TNFSF10: variants seen among roughly 807,000 people sequenced by gnomAD.
TNFSF10 encodes tumor necrosis factor ligand superfamily member 10.
In TNFSF10, 13 loss-of-function variants were observed where a neutral mutation model predicts 29.5. That is an observed-to-expected ratio of 0.44 (90% CI 0.29 to 0.70). The LOEUF is 0.70. TNFSF10 is among the 30% of genes least tolerant of loss of function. The pLI is 0.13. For missense variants in TNFSF10, 345 were observed against 330.9 expected (o/e 1.04, Z -0.33); for synonymous variants, 111 against 112.8 (o/e 0.98, Z 0.10).
chr3:172,514,149 T>C (rs1376013147), intron 2 of TNFSF10, among the ~76,000 whole-genome samples: 1 of 152,190 alleles, frequency 6.6e-6, no homozygotes, highest in East Asian at 1.9e-4. Context: ...GCAAATATTA[T>C]TTAATGCCAT....
At chr3:172,511,717 G>T in intron 2 of TNFSF10, 58 bp from the exon 3 acceptor site, 11 of 1,446,478 alleles carry the variant, frequency 7.6e-6, no homozygotes, top group Non-Finnish European at 1.1e-5. Context: ...ACTGACTATA[G>T]AATGCCTATG....
At chr3:172,520,629 C>A (rs1267356889) in intron 1 of TNFSF10, among the ~76,000 whole-genome samples, 1 of 152,184 alleles carries the variant, frequency 6.6e-6, no homozygotes, top group African/African-American at 2.4e-5. Context: ...TGTTCATTCA[C>A]TCAATAAGTA....
At chr3:172,522,191 CAGAACTT>C in intron 1 of TNFSF10, 1 of 389,782 alleles carries the variant, frequency 2.6e-6, no homozygotes, top group South Asian at 2.3e-5. Flanking sequence ...ACACGTATCC[CAGAACTT>C]AAAGTAAAAT....
chr3:172,512,113 C>T (rs1713250191), intron 2 of TNFSF10, among the ~76,000 whole-genome samples: 1 of 152,140 alleles, frequency 6.6e-6, no homozygotes, highest in African/African-American at 2.4e-5. Flanking sequence ...TGGACAGACC[C>T]AAGCCTCAAG....
intron 1 of TNFSF10, chr3:172,518,141 C>A: frequency 2.8e-6 from 3 of 1,069,226 alleles, no homozygotes; most frequent in Non-Finnish European, 3.4e-6. Flanking sequence ...TAGGCTGAGG[C>A]TATATTCTCT....
chr3:172,514,749 T>G, intron 2 of TNFSF10, 112 bp downstream of exon 2: 9 of 1,408,858 alleles, frequency 6.4e-6, no homozygotes, highest in Non-Finnish European at 7.7e-6. Context: ...CTAAGTTTTC[T>G]TATTTGTAAA....
intron 2 of TNFSF10, 108 bp downstream of exon 2, chr3:172,514,753 T>C: frequency 1.3e-5 from 18 of 1,417,376 alleles, no homozygotes; most frequent in Admixed American, 2.3e-5. Flanking sequence ...GTTTTCTTAT[T>C]TGTAAAATGA....
Position 172,506,864 on chromosome 3 carries a change from C to G in TNFSF10, c.474G>C (p.Arg158Ser), listed in dbSNP as rs766823944. 1.9e-6 allele frequency: 3 copies of G among 1,614,094 alleles called. No homozygotes were observed. The South Asian group carries it at 3.3e-5, about 18-fold the overall frequency. ...AGTTGCTCAGGAATGAATGCCCACTCCTTGATGATTCCCAGGAGTTTATTT... is the reference window on the plus strand; with the variant it reads ...AGTTGCTCAGGAATGAATGCCCACTGCTTGATGATTCCCAGGAGTTTATTT... ...GRKINSWESS[R>S]SGHSFLSNLH... The change falls in exon 5 of 5, where the codon AGG (arginine) becomes AGC (serine). Residue 158 changes from arginine (R) to serine (S), a missense_variant. Transcript: ENST00000241261.
intron 3 of TNFSF10, 133 bp downstream of exon 3, chr3:172,511,484 G>T: frequency 1.5e-6 from 1 of 646,854 alleles, no homozygotes. Flanking sequence ...TCAACAAGTG[G>T]CTTGAGATAC....
At chr3:172,507,132 A>G (rs1450187329) in intron 4 of TNFSF10, among the ~76,000 whole-genome samples, 1 of 152,106 alleles carries the variant, frequency 6.6e-6, no homozygotes, top group Non-Finnish European at 1.5e-5. Flanking sequence ...GACATTGGGA[A>G]CTGTTGGGAG....
chr3:172,521,605 G>C (rs1031106630), intron 1 of TNFSF10, among the ~76,000 whole-genome samples: 2 of 152,182 alleles, frequency 1.3e-5, no homozygotes, highest in Non-Finnish European at 2.9e-5. Flanking sequence ...GTTGGTGGGA[G>C]TATAAATTAG....
In TNFSF10 at chr3:172,506,691, T is replaced by C; in HGVS notation, c.647A>G (p.Tyr216Cys). Residue 216 changes from tyrosine (Y) to cysteine (C), a missense_variant, in exon 5 of 5, where the codon TAT (tyrosine) becomes TGT (cysteine). Tyr to Cys is a radical substitution (Grantham distance 194, BLOSUM62 -2). Coordinates refer to ENST00000241261, the MANE Select transcript of TNFSF10 (RefSeq NM_003810.4). ...MVQYIYKYTS[Y>C]PDPILLMKSA... is the part of the protein sequence containing the mutation. ...TTTCATCAACAATATAGGGTCAGGA[T>C]AACTTGTGTATTTGTAAATATATTG... The C allele has an allele frequency of 6.2e-7, 1 of 1,614,236 alleles. No homozygotes were observed. The highest frequency in any genetic ancestry group is 8.5e-7 in the Non-Finnish European group (1 of 1,180,032).
In TNFSF10 at chr3:172,517,707, GT is replaced by G. The variant is rs541625330; in HGVS notation, c.133-2710del. On this transcript the variant is annotated intron_variant, in intron 1 of 4. Coordinates refer to ENST00000241261, the MANE Select transcript of TNFSF10 (RefSeq NM_003810.4). Reference sequence around the variant, plus strand: ...TCATAAGACTATATAAAAATGCTGTGTTCTTTAAATCTGTATGAAAATTATA... The same window carrying G: ...TCATAAGACTATATAAAAATGCTGTGTCTTTAAATCTGTATGAAAATTATA... 7.1e-6 allele frequency: 7 copies of G among 984,840 alleles called. No homozygotes were observed. The Admixed American group carries it at 4.3e-4, about 61-fold the overall frequency. The allele number at this position is 984,840 out of a possible 1,614,324, so 61.0% of individuals were successfully genotyped here. A position where few individuals can be genotyped will look rare whatever the true frequency, so the allele number is the denominator to read the frequency against.
chr3:172,518,018 C>G (rs1028542531), intron 1 of TNFSF10: 2 of 987,338 alleles, frequency 2.0e-6, no homozygotes, highest in African/African-American at 3.5e-5. Context: ...AGACACATGG[C>G]GGGTTGACGT....
In TNFSF10 at chr3:172,523,253, C is replaced by T. The variant is rs760251570; in HGVS notation, c.132G>A (p.Gln44=). ...TYVYFTNELK[Q]MQDKYSKSGI... ...ACTGAGTGCACTGCACTGCACTGAC[C>T]TGCTTCAGCTCGTTGGTAAAGTACA... Residue 44 remains glutamine (Q), a splice_region_variant and synonymous_variant, in exon 1 of 5, where the codon CAG becomes CAA. Coordinates refer to ENST00000241261, the MANE Select transcript of TNFSF10 (RefSeq NM_003810.4). 6.2e-7 allele frequency: 1 copy of T among 1,613,444 alleles called. No individual in the cohort carries two copies. The highest frequency in any genetic ancestry group is 8.5e-7 in the Non-Finnish European group (1 of 1,179,542).
At chr3:172,518,140 G>A in intron 1 of TNFSF10, 1 of 1,069,412 alleles carries the variant, frequency 9.4e-7, no homozygotes, top group Non-Finnish European at 1.1e-6. Flanking sequence ...ATAGGCTGAG[G>A]CTATATTCTC....
chr3:172,522,332 A>G, intron 1 of TNFSF10: 2 of 944,110 alleles, frequency 2.1e-6, no homozygotes, highest in East Asian at 2.5e-5. Flanking sequence ...TAAGAGCTAC[A>G]TTACAGATTT....
At chr3:172,523,154 A>C in intron 1 of TNFSF10, 99 bp downstream of exon 1, 1 of 1,406,168 alleles carries the variant, frequency 7.1e-7, no homozygotes. Context: ...GAAAGGAAGC[A>C]GGAAAGTCTT....
rs1304562972 is a variant in TNFSF10, at chr3:172,511,737, G to T, written c.271-78C>A. The T allele has an allele frequency of 1.6e-5, 21 of 1,274,660 alleles. No individual in the cohort carries two copies. In the Admixed American group the frequency reaches 1.9e-4, roughly 12 times the overall value. 79.0% of individuals were successfully genotyped at this position (1,274,660 alleles called of 1,614,324 possible). ...CTATAGAATGCCTATGGCTCATCTT[G>T]CTGATGTCTAACAGGAAATTTCTAC... On this transcript the variant is annotated intron_variant, in intron 2 of 4. Coordinates refer to ENST00000241261, the MANE Select transcript of TNFSF10 (RefSeq NM_003810.4).
Sources: allele counts gnomAD v4.1 joint callset (sites outside exome capture counted in the v4.1 genomes callset), GRCh38; gene constraint gnomAD v4.1.1; transcripts MANE v1.5; gene names NCBI Gene and HGNC (gene_info 2026-07-23, HGNC 2026-07-21).